MAGI1: variants seen among roughly 807,000 people sequenced by gnomAD.
The protein encoded by MAGI1 is membrane associated guanylate kinase, WW and PDZ domain containing 1, also known as membrane-associated guanylate kinase, WW and PDZ domain-containing protein 1.
Under a neutral mutation model 139.9 loss-of-function variants are expected in MAGI1, and 58 were observed. That is an observed-to-expected ratio of 0.41 (90% CI 0.34 to 0.52). The LOEUF is 0.52. MAGI1 is among the 20% of genes least tolerant of loss of function. The probability of loss-of-function intolerance (pLI) is 0.12; values close to 1 mark genes in which losing one functional copy is unlikely to be tolerated. For missense variants in MAGI1, 1,874 were observed against 1,901.6 expected (o/e 0.99, Z 0.27); for synonymous variants, 812 against 737.9 (o/e 1.10, Z -1.63).
chr3:65,993,513 T>C (rs553726752), intron 1 of MAGI1, among the ~76,000 whole-genome samples: 1 of 152,334 alleles, frequency 6.6e-6, no homozygotes, highest in African/African-American at 2.4e-5. Flanking sequence ...CAAATAGTTA[T>C]GGGGCACTAA....
intron 2 of MAGI1, among the ~76,000 whole-genome samples, chr3:65,523,595 C>T (rs565157010): frequency 1.3e-5 from 2 of 152,090 alleles, no homozygotes; most frequent in Non-Finnish European, 2.9e-5. Flanking sequence ...CATCCTGTTC[C>T]ATGGAGTGTT....
At chr3:65,997,935 T>G (rs1361219769) in intron 1 of MAGI1, among the ~76,000 whole-genome samples, 1 of 151,582 alleles carries the variant, frequency 6.6e-6, no homozygotes, top group East Asian at 2.0e-4. Flanking sequence ...AAGGTGGGTG[T>G]ATCACTTGAG....
At chr3:65,820,598 T>C (rs2041895271) in intron 1 of MAGI1, among the ~76,000 whole-genome samples, 1 of 152,140 alleles carries the variant, frequency 6.6e-6, no homozygotes, top group East Asian at 1.9e-4. Context: ...AGCAATTTCT[T>C]AAGTCTATTC....
At chr3:65,638,853 C>T (rs1024368424) in intron 1 of MAGI1, among the ~76,000 whole-genome samples, 10 of 151,976 alleles carry the variant, frequency 6.6e-5, no homozygotes, top group Non-Finnish European at 4.4e-5. Flanking sequence ...GTGATCCGCC[C>T]ACCTCAGCCT....
chr3:65,557,594 G>A (rs923050985), intron 2 of MAGI1, among the ~76,000 whole-genome samples: 8 of 152,150 alleles, frequency 5.3e-5, no homozygotes, highest in Non-Finnish European at 1.0e-4. Flanking sequence ...GAATATGCTT[G>A]GTTAGATGCC....
At chr3:65,930,524 G>T (rs948172964) in intron 1 of MAGI1, among the ~76,000 whole-genome samples, 2 of 152,006 alleles carry the variant, frequency 1.3e-5, no homozygotes, top group African/African-American at 4.8e-5. Context: ...TTTGTCAGAG[G>T]TGTTTGAACC....
chr3:66,032,929 A>AC (rs1439321449), intron 1 of MAGI1, among the ~76,000 whole-genome samples: 189 of 148,832 alleles, frequency 1.3e-3, no homozygotes, highest in African/African-American at 4.1e-3. Flanking sequence ...AAAAAAAAAA[A>AC]AAAAACAACA....
At chr3:65,480,815 T>C (rs533300380) in intron 3 of MAGI1, among the ~76,000 whole-genome samples, 4 of 152,014 alleles carry the variant, frequency 2.6e-5, no homozygotes, top group East Asian at 1.9e-4. Context: ...CTGGAACTCC[T>C]GACCTGAGGT....
At chr3:65,410,006 G>T (rs191741052) in intron 12 of MAGI1, among the ~76,000 whole-genome samples, 11 of 152,322 alleles carry the variant, frequency 7.2e-5, no homozygotes, top group African/African-American at 2.2e-4. Context: ...TGCAAAGCTG[G>T]TGATTCCTGA....
chr3:65,989,662 C>A lies in MAGI1; in HGVS notation c.313+48334G>T, dbSNP rs1462030294. Among the ~76,000 whole-genome samples the A allele has an allele frequency of 3.9e-5, 6 of 152,150 alleles. No individual in the cohort carries two copies. In the South Asian group the frequency reaches 1.2e-3, roughly 32 times the overall value. ...AAGTGATCCTCCTGCCTCAGCCTCCCGAGTAGCTGGGATTACAGGCACCAG... is the reference window on the plus strand; with the variant it reads ...AAGTGATCCTCCTGCCTCAGCCTCCAGAGTAGCTGGGATTACAGGCACCAG... On this transcript the variant is annotated intron_variant, in intron 1 of 22. Coordinates refer to ENST00000402939, the MANE Select transcript of MAGI1 (RefSeq NM_001033057.2).
intron 2 of MAGI1, among the ~76,000 whole-genome samples, chr3:65,618,209 G>A (rs1190986929): frequency 6.6e-6 from 1 of 152,010 alleles, no homozygotes; most frequent in Non-Finnish European, 1.5e-5. Context: ...GCGCAGAGTG[G>A]GAGGGGTTGG....
chr3:65,709,500 T>C (rs78231401), intron 1 of MAGI1, among the ~76,000 whole-genome samples: 41 of 152,350 alleles, frequency 2.7e-4, no homozygotes, highest in African/African-American at 9.1e-4. Flanking sequence ...GATTGGAGGA[T>C]AAAATATTTA....
intron 1 of MAGI1, among the ~76,000 whole-genome samples, chr3:65,706,879 C>G (rs2030397916): frequency 6.6e-6 from 1 of 152,170 alleles, no homozygotes; most frequent in African/African-American, 2.4e-5. Context: ...CAGGAAGACA[C>G]TGAAAGACTT....
intron 2 of MAGI1, among the ~76,000 whole-genome samples, chr3:65,599,483 T>C (rs1036379985): frequency 4.6e-5 from 7 of 152,188 alleles, no homozygotes; most frequent in Non-Finnish European, 7.3e-5. Flanking sequence ...AAAGACTCAA[T>C]ACTGGAGTCA....
intron 1 of MAGI1, among the ~76,000 whole-genome samples, chr3:65,747,965 G>A (rs985232560): frequency 1.6e-4 from 25 of 152,270 alleles, no homozygotes; most frequent in African/African-American, 4.6e-4. Flanking sequence ...CCAAGACTCG[G>A]GGTGCCAGTA....
intron 1 of MAGI1, chr3:65,874,023 C>A (rs1435759001): frequency 6.6e-6 from 1 of 152,166 alleles, no homozygotes; most frequent in African/African-American, 2.4e-5. Context: ...TAGCAGCTCA[C>A]GCCTGTAGTC....
chr3:65,858,248 C>G (rs760084472), intron 1 of MAGI1, among the ~76,000 whole-genome samples: 1 of 152,246 alleles, frequency 6.6e-6, no homozygotes, highest in Non-Finnish European at 1.5e-5. Flanking sequence ...CAGAAGACTT[C>G]TGCTCCATGT....
At chr3:65,365,249 C>G in intron 18 of MAGI1, 1 of 557,414 alleles carries the variant, frequency 1.8e-6, no homozygotes, top group Non-Finnish European at 3.4e-6. Flanking sequence ...TCTCACTCCT[C>G]CCCTGCCACT....
At chr3:65,375,215 G>T (rs1942391631) in intron 18 of MAGI1, among the ~76,000 whole-genome samples, 1 of 147,102 alleles carries the variant, frequency 6.8e-6, no homozygotes, top group African/African-American at 2.5e-5. Context: ...TTGAGATGGA[G>T]TCTCACTCTG....
Sources: allele counts gnomAD v4.1 joint callset (sites outside exome capture counted in the v4.1 genomes callset), GRCh38; gene constraint gnomAD v4.1.1; transcripts MANE v1.5; gene names NCBI Gene and HGNC (gene_info 2026-07-23, HGNC 2026-07-21).